The following LMO1 variants were observed in gnomAD, a reference collection of about 807,000 sequenced individuals.
LMO1 encodes the protein LIM domain only 1, also known as rhombotin-1.
LMO1 carries 10 observed loss-of-function variants against 18.0 expected under a neutral mutation model. The observed-to-expected ratio is 0.55, with a 90% CI of 0.34 to 0.94. The LOEUF is 0.94. LMO1 is among the 40% of genes least tolerant of loss of function. LMO1 has a pLI of 0.02. For missense variants in LMO1, 183 were observed against 205.7 expected (o/e 0.89, Z 0.68); for synonymous variants, 77 against 77.9 (o/e 0.99, Z 0.06).
intron 1 of LMO1, among the ~76,000 whole-genome samples, chr11:8,240,805 A>G (rs1846774954): frequency 6.6e-6 from 1 of 151,966 alleles, no homozygotes; most frequent in African/African-American, 2.4e-5. Flanking sequence ...AGACACAAAC[A>G]CTCAGATCAT....
At chr11:8,256,646 G>A (rs1847102795) in intron 1 of LMO1, among the ~76,000 whole-genome samples, 1 of 152,240 alleles carries the variant, frequency 6.6e-6, no homozygotes, top group African/African-American at 2.4e-5. Context: ...ACTCCCACCA[G>A]TAGCGAACAA....
upstream of LMO1, among the ~76,000 whole-genome samples, chr11:8,264,820 A>G (rs1485822112): frequency 1.3e-5 from 2 of 152,044 alleles, no homozygotes; most frequent in East Asian, 3.9e-4. Context: ...TTTAGTAGAG[A>G]CGGGGTTTTA....
intron 2 of LMO1, 47 bp from the exon 3 acceptor site, chr11:8,227,147 G>A (rs755453004): frequency 6.3e-7 from 1 of 1,582,930 alleles, no homozygotes; most frequent in Admixed American, 1.7e-5. Flanking sequence ...CTGGGAAGCT[G>A]GGTGGGCAGG....
At chr11:8,263,098 C>A (rs1847215476) in intron 1 of LMO1, among the ~76,000 whole-genome samples, 1 of 151,658 alleles carries the variant, frequency 6.6e-6, no homozygotes, top group Admixed American at 6.6e-5. Context: ...GGCCGGGACC[C>A]GGGGGGCGTG....
intron 1 of LMO1, among the ~76,000 whole-genome samples, chr11:8,258,255 C>G (rs935119050): frequency 3.3e-5 from 5 of 152,186 alleles, no homozygotes; most frequent in Non-Finnish European, 5.9e-5. Flanking sequence ...CCCTCTGGAC[C>G]CTGGAGATGG....
upstream of LMO1, among the ~76,000 whole-genome samples, chr11:8,266,742 G>A (rs1224026130): frequency 6.6e-6 from 1 of 152,204 alleles, no homozygotes; most frequent in Non-Finnish European, 1.5e-5. Context: ...AGGGCCTGAG[G>A]GCCCAGGCCG....
chr11:8,259,726 T>C (rs1296991788), intron 1 of LMO1, among the ~76,000 whole-genome samples: 1 of 152,170 alleles, frequency 6.6e-6, no homozygotes, highest in Non-Finnish European at 1.5e-5. Flanking sequence ...GTCTAGAACA[T>C]GAGTGTCTAT....
chr11:8,259,991 C>G (rs1047334087), intron 1 of LMO1, among the ~76,000 whole-genome samples: 23 of 152,160 alleles, frequency 1.5e-4, no homozygotes, highest in Admixed American at 1.4e-3. Flanking sequence ...TGGTCACCCC[C>G]ACCTTCCTGC....
intron 3 of LMO1, among the ~76,000 whole-genome samples, chr11:8,225,785 C>T (rs1393233947): frequency 6.6e-6 from 1 of 152,206 alleles, no homozygotes; most frequent in Non-Finnish European, 1.5e-5. Context: ...CTGAGCCCTC[C>T]TAACAGCAGG....
chr11:8,257,641 T>A (rs1349937473), intron 1 of LMO1, among the ~76,000 whole-genome samples: 1 of 152,242 alleles, frequency 6.6e-6, no homozygotes, highest in Non-Finnish European at 1.5e-5. Flanking sequence ...TAGGCAGCCC[T>A]TTTGCCCTGT....
chr11:8,247,674 A>G (rs988235759), intron 1 of LMO1, among the ~76,000 whole-genome samples: 8 of 152,206 alleles, frequency 5.3e-5, no homozygotes, highest in African/African-American at 1.9e-4. Flanking sequence ...ACTTGAAAGG[A>G]CTATCTGGGC....
At chr11:8,226,830 T>C (rs1952551445) in intron 3 of LMO1, 145 bp downstream of exon 3, 5 of 1,389,618 alleles carry the variant, frequency 3.6e-6, no homozygotes, top group South Asian at 3.2e-5. Context: ...ATAAAGCACA[T>C]GCACGCTCAT....
At chr11:8,263,928 C>T, upstream of LMO1, 1 of 993,596 alleles carries the variant, frequency 1.0e-6, no homozygotes. Flanking sequence ...CCTGAGGCCT[C>T]CACCCTCCCG....
Position 8,228,831 on chromosome 11 carries a change from C to A in LMO1, c.239+1460G>T, listed in dbSNP as rs193012224. On this transcript the variant is annotated intron_variant, in intron 2 of 3. Coordinates refer to ENST00000335790, the MANE Select transcript of LMO1 (RefSeq NM_002315.3). The stretch of plus-strand genomic sequence containing the variant: ...TGGTAGAGTCAGCCCCCAGGTGATG[C>A]CCTAAACCTCCAGACATGGAGGCCC... Among the ~76,000 whole-genome samples, 504 of 152,154 alleles carry A rather than the reference C, an allele frequency of 3.3e-3. 18 individuals carry two copies. Among genetic ancestry groups the A allele is most frequent in the Admixed American group, 0.032 (494 of 15,288 alleles).
intron 1 of LMO1, 64 bp from the exon 2 acceptor site, chr11:8,230,568 T>TC (rs1952640697): frequency 1.8e-5 from 28 of 1,516,738 alleles, no homozygotes; most frequent in South Asian, 1.5e-4. Context: ...TCAAGGAATA[T>TC]CCCCCAAGAA....
At chr11:8,240,838 G>C (rs1053741241) in intron 1 of LMO1, among the ~76,000 whole-genome samples, 1 of 152,152 alleles carries the variant, frequency 6.6e-6, no homozygotes, top group Admixed American at 6.5e-5. Flanking sequence ...GGAAGGCCTG[G>C]ATGTAATTCT....
At chr11:8,266,360 C>T (rs907719556), upstream of LMO1, among the ~76,000 whole-genome samples, 5 of 147,238 alleles carry the variant, frequency 3.4e-5, no homozygotes, top group Non-Finnish European at 7.5e-5. Context: ...CACCCCCATA[C>T]TCGCCCCACC....
At chr11:8,257,653 T>G (rs1847120121) in intron 1 of LMO1, among the ~76,000 whole-genome samples, 1 of 152,246 alleles carries the variant, frequency 6.6e-6, no homozygotes, top group African/African-American at 2.4e-5. Context: ...TTGCCCTGTT[T>G]AAACCTCAAC....
chr11:8,227,231 T>A, intron 2 of LMO1, 131 bp from the exon 3 acceptor site: 1 of 1,444,092 alleles, frequency 6.9e-7, no homozygotes, highest in Non-Finnish European at 9.2e-7. Context: ...GCTCAGGCAA[T>A]AGGATAAGAG....
Sources: allele counts gnomAD v4.1 joint callset (sites outside exome capture counted in the v4.1 genomes callset), GRCh38; gene constraint gnomAD v4.1.1; transcripts MANE v1.5; gene names NCBI Gene and HGNC (gene_info 2026-07-23, HGNC 2026-07-21).